The following HEXB variants were observed in gnomAD, a reference collection of about 807,000 sequenced individuals.
HEXB encodes the protein hexosaminidase subunit beta.
Under a neutral mutation model 71.2 loss-of-function variants are expected in HEXB, and 51 were observed. That is an observed-to-expected ratio of 0.72 (90% CI 0.57 to 0.90). The LOEUF is 0.90. Ranked by LOEUF, HEXB falls within the 40% of genes least tolerant of loss-of-function variation. The pLI is 0.00. For synonymous variants in HEXB, 266 were observed against 249.3 expected, an observed-to-expected ratio of 1.07 and a Z score of -0.63; for missense variants, 617 against 677.0, an observed-to-expected ratio of 0.91 and a Z score of 0.98.
chr5:74,721,270 A>G lies in HEXB; in HGVS notation c.*95A>G. 1 of 1,037,868 alleles carries G rather than the reference A, an allele frequency of 9.6e-7. No individual in the cohort carries two copies. The highest frequency in any genetic ancestry group is 1.5e-6 in the Non-Finnish European group (1 of 667,026). The allele number at this position is 1,037,868 out of a possible 1,614,324, so 64.3% of individuals were successfully genotyped here. ...AGATATTAGACTGTTTTTTGAATAA[A>G]ATATTTTTATTGATTGAACCTTTGA... On this transcript the variant is annotated 3_prime_UTR_variant, in exon 14 of 14. Coordinates refer to ENST00000261416, the MANE Select transcript of HEXB (RefSeq NM_000521.4).
intron 1 of HEXB, among the ~76,000 whole-genome samples, chr5:74,663,195 G>GGGGT (rs1748361227): frequency 7.6e-6 from 1 of 131,892 alleles, no homozygotes; most frequent in Admixed American, 8.0e-5. Flanking sequence ...TTTTTTTGGG[G>GGGGT]GGGTGGAGTG....
intron 9 of HEXB, 22 bp from the exon 10 acceptor site, chr5:74,718,263 AATAACT>A: frequency 7.4e-7 from 1 of 1,358,794 alleles, no homozygotes; most frequent in Non-Finnish European, 1.1e-6. Context: ...TATGATCTAA[AATAACT>A]ATAATTTTTT....
intron 1 of HEXB, among the ~76,000 whole-genome samples, chr5:74,667,110 CA>C (rs1748445501): frequency 2.0e-5 from 3 of 152,166 alleles, no homozygotes; most frequent in Admixed American, 6.5e-5. Flanking sequence ...TATTAACAAG[CA>C]GGTATTAATT....
intron 1 of HEXB, among the ~76,000 whole-genome samples, chr5:74,647,606 A>G (rs10473968): frequency 0.07 from 10,712 of 152,342 alleles, 505 homozygotes; most frequent in Non-Finnish European, 0.11. Flanking sequence ...GATATATACA[A>G]GCATCCGCAA....
chr5:74,679,167 C>A (rs552216330), intron 1 of HEXB, among the ~76,000 whole-genome samples: 5 of 152,126 alleles, frequency 3.3e-5, no homozygotes, highest in African/African-American at 9.7e-5. Flanking sequence ...GCAGCCATAA[C>A]GAACACCTTA....
At chr5:74,683,570 C>G (rs1375999847), upstream of HEXB, among the ~76,000 whole-genome samples, 2 of 151,808 alleles carry the variant, frequency 1.3e-5, no homozygotes, top group African/African-American at 4.8e-5. Flanking sequence ...TCCCAAAGTG[C>G]TGGGATTACA....
intron 1 of HEXB, among the ~76,000 whole-genome samples, chr5:74,678,150 T>G (rs1748670335): frequency 6.6e-6 from 1 of 151,776 alleles, no homozygotes; most frequent in Non-Finnish European, 1.5e-5. Flanking sequence ...TACAAAAAAT[T>G]AGCTGGGCAT....
chr5:74,664,444 A>AT (rs947111884), intron 1 of HEXB, among the ~76,000 whole-genome samples: 1 of 150,814 alleles, frequency 6.6e-6, no homozygotes, highest in East Asian at 1.9e-4. Flanking sequence ...AAAAAAAAAA[A>AT]AAAAAAAAAC....
chr5:74,642,445 T>C lies in HEXB; in HGVS notation c.-377+1887T>C, dbSNP rs148604604. The stretch of plus-strand genomic sequence containing the variant: ...ATGGAAACTCTGTAGACTCCAGAGA[T>C]AGGTGCTGAAAAGATGGGAGGCGGA... On this transcript the variant is annotated intron_variant, in intron 1 of 13. Coordinates refer to the HEXB transcript ENST00000511181. Among the ~76,000 whole-genome samples the C allele has an allele frequency of 5.9e-3, 904 of 152,256 alleles. 4 individuals carry two copies. The highest frequency in any genetic ancestry group is 0.014 in the Middle Eastern group (4 of 294).
intron 1 of HEXB, among the ~76,000 whole-genome samples, chr5:74,679,060 A>G (rs1161247909): frequency 6.6e-6 from 1 of 152,236 alleles, no homozygotes; most frequent in Admixed American, 6.5e-5. Flanking sequence ...ACTATCTACT[A>G]ACATTGAATT....
intron 5 of HEXB, among the ~76,000 whole-genome samples, chr5:74,701,229 T>C (rs1561220290): frequency 6.6e-6 from 1 of 152,114 alleles, no homozygotes. Context: ...ATCCTTTCTA[T>C]CATTTTTGGC....
chr5:74,682,952 T>C (rs921229738), upstream of HEXB, among the ~76,000 whole-genome samples: 1 of 152,160 alleles, frequency 6.6e-6, no homozygotes, highest in Non-Finnish European at 1.5e-5. Flanking sequence ...GAATGAAGGC[T>C]CAAAGACCCA....
chr5:74,643,446 T>G (rs1747944378), intron 1 of HEXB, among the ~76,000 whole-genome samples: 1 of 152,214 alleles, frequency 6.6e-6, no homozygotes, highest in Non-Finnish European at 1.5e-5. Context: ...GAAATGCTGC[T>G]TACACTGTAT....
chr5:74,689,453 A>G lies in HEXB; in HGVS notation c.425A>G (p.Asn142Ser), dbSNP rs1223624284. ...CAGTCAGAGTGTGATGCTTTCCCCAACATATCTTCAGATGAGTCTTGTAAG... is the reference window on the plus strand; with the variant it reads ...CAGTCAGAGTGTGATGCTTTCCCCAGCATATCTTCAGATGAGTCTTGTAAG... ...TLQSECDAFPNISSDESYTLL... is the reference protein window; with the variant it reads ...TLQSECDAFPSISSDESYTLL... Residue 142 changes from asparagine to serine, a missense_variant, in exon 2 of 14, where the codon AAC becomes AGC. Physicochemically the swap from Asn to Ser is conservative, Grantham distance 46 (BLOSUM62 1). Coordinates refer to ENST00000261416, the MANE Select transcript of HEXB (RefSeq NM_000521.4). The G allele has an allele frequency of 3.8e-5, 61 of 1,613,464 alleles. No individual in the cohort carries two copies. The highest frequency in any genetic ancestry group is 5.1e-5 in the Non-Finnish European group (60 of 1,179,528).
intron 6 of HEXB, chr5:74,706,167 C>T (rs951826913): frequency 2.6e-5 from 4 of 152,264 alleles, no homozygotes; most frequent in Non-Finnish European, 1.5e-5. Context: ...AGCCCTGCCC[C>T]ATCCTGTTGT....
intron 1 of HEXB, among the ~76,000 whole-genome samples, chr5:74,655,349 C>G (rs1242922037): frequency 1.5e-5 from 2 of 135,770 alleles, no homozygotes; most frequent in Admixed American, 8.0e-5. Flanking sequence ...GGATCTCGCT[C>G]TGTCACCCAG....
intron 6 of HEXB, among the ~76,000 whole-genome samples, chr5:74,708,924 G>C (rs1156947972): frequency 6.6e-6 from 1 of 152,100 alleles, no homozygotes; most frequent in Non-Finnish European, 1.5e-5. Flanking sequence ...ATTGAACTCA[G>C]CTCTGCACCA....
rs1215191006 is a variant in HEXB, at chr5:74,718,783, T to C, written c.1243-14T>C. 2 of 1,613,638 alleles carry C rather than the reference T, an allele frequency of 1.2e-6. No homozygotes were observed. Among genetic ancestry groups the C allele is most frequent in the East Asian group, 4.5e-5 (2 of 44,874 alleles). The stretch of plus-strand genomic sequence containing the variant: ...AGGCCTAATAATATGTATTGCAATT[T>C]GTAACGTTAATAGCTTGCGCCGGGC... On this transcript the variant is annotated splice_polypyrimidine_tract_variant and intron_variant, in intron 10 of 13. Transcript: ENST00000261416.
intron 2 of HEXB, among the ~76,000 whole-genome samples, chr5:74,690,563 A>G (rs1320992080): frequency 1.3e-5 from 2 of 150,592 alleles, no homozygotes; most frequent in Admixed American, 6.7e-5. Context: ...GAGGCAGGAG[A>G]ATCACTTGAA....
Sources: allele counts gnomAD v4.1 joint callset (sites outside exome capture counted in the v4.1 genomes callset), GRCh38; gene constraint gnomAD v4.1.1; transcripts MANE v1.5; gene names NCBI Gene and HGNC (gene_info 2026-07-23, HGNC 2026-07-21).